The following GRM7 variants were observed in gnomAD, a reference collection of about 807,000 sequenced individuals.
The protein encoded by GRM7 is metabotropic glutamate receptor 7.
A neutral mutation model predicts 84.5 loss-of-function variants in GRM7; 35 were observed. The ratio of observed to expected loss-of-function variants is 0.41; its 90% CI spans 0.32 to 0.55. The LOEUF (loss-of-function observed/expected upper bound fraction) is 0.55, where lower values mean the gene tolerates loss of function less well. Ranked by LOEUF, GRM7 falls within the 20% of genes least tolerant of loss-of-function variation. GRM7 has a pLI of 0.19. For synonymous variants in GRM7, 487 were observed against 455.1 expected, an observed-to-expected ratio of 1.07 and a Z score of -0.89; for missense variants, 1,003 against 1,194.6, an observed-to-expected ratio of 0.84 and a Z score of 2.36.
chr3:7,609,449 T>C (rs1171516210), intron 8 of GRM7, among the ~76,000 whole-genome samples: 1 of 152,102 alleles, frequency 6.6e-6, no homozygotes, highest in East Asian at 1.9e-4. Flanking sequence ...TGGAACGATA[T>C]TCTTGAACAG....
chr3:7,393,965 C>T (rs1695105428), intron 4 of GRM7, among the ~76,000 whole-genome samples: 1 of 152,126 alleles, frequency 6.6e-6, no homozygotes, highest in African/African-American at 2.4e-5. Context: ...AGTTTTCGCA[C>T]CTTAGGCACT....
Position 7,382,270 on chromosome 3 carries a change from A to G in GRM7, c.1034-32753A>G, listed in dbSNP as rs772070741. 3.9e-5 allele frequency among the ~76,000 whole-genome samples: 6 copies of G among 152,140 alleles called. No homozygotes were observed. The East Asian group carries it at 1.2e-3, about 29-fold the overall frequency. ...TCTTATGAGCTTTGATTGCCTTTAG[A>G]TTATCAGAGATTTTCCATGTATATA... On this transcript the variant is annotated intron_variant, in intron 4 of 9. Transcript: ENST00000357716.
chr3:7,168,277 T>A (rs1195228598), intron 2 of GRM7, among the ~76,000 whole-genome samples: 1 of 152,196 alleles, frequency 6.6e-6, no homozygotes, highest in Admixed American at 6.5e-5. Context: ...TTCCCATTGT[T>A]GAGGTTCTTC....
At chr3:7,452,955 T>A (rs954544122) in intron 6 of GRM7, 148 bp downstream of exon 6, 1 of 603,850 alleles carries the variant, frequency 1.7e-6, no homozygotes. Context: ...AATGCATGAA[T>A]GAGCAAATGA....
intron 1 of GRM7, among the ~76,000 whole-genome samples, chr3:7,125,907 G>A (rs1693383322): frequency 2.0e-5 from 3 of 152,150 alleles, no homozygotes; most frequent in Admixed American, 2.0e-4. Context: ...GAGGGTGAGA[G>A]GCTTGCTTTG....
intron 2 of GRM7, among the ~76,000 whole-genome samples, chr3:7,163,476 T>C (rs1186271040): frequency 6.6e-6 from 1 of 152,228 alleles, no homozygotes; most frequent in Non-Finnish European, 1.5e-5. Flanking sequence ...ACTTTGTGAG[T>C]GCCTACTCTG....
Position 7,036,957 on chromosome 3 carries a change from G to A in GRM7, c.520-109495G>A, listed in dbSNP as rs113542904. ...GCAATTTACGCAAAGAAGAGGGCAT[G>A]ACATAATGAGTGATTAATGGATCAG... On this transcript the variant is annotated intron_variant, in intron 1 of 9. Transcript: ENST00000357716. Among the ~76,000 whole-genome samples the A allele has an allele frequency of 4.6e-3, 706 of 152,268 alleles. 10 individuals are homozygous for A. The highest frequency in any genetic ancestry group is 0.02 in the Middle Eastern group (6 of 294).
intron 2 of GRM7, among the ~76,000 whole-genome samples, chr3:7,234,603 A>G (rs1697291687): frequency 6.6e-6 from 1 of 152,232 alleles, no homozygotes; most frequent in Non-Finnish European, 1.5e-5. Context: ...GTGGTTCTAG[A>G]GATCATACTG....
At chr3:7,676,570 T>C (rs1700130319) in intron 8 of GRM7, among the ~76,000 whole-genome samples, 1 of 114,986 alleles carries the variant, frequency 8.7e-6, no homozygotes, top group South Asian at 3.0e-4. Flanking sequence ...GTGATTCTCT[T>C]GGCTCAGCCT....
intron 7 of GRM7, among the ~76,000 whole-genome samples, chr3:7,522,899 A>T (rs200271168): frequency 1.4e-5 from 1 of 73,568 alleles, no homozygotes; most frequent in African/African-American, 4.5e-5. Flanking sequence ...TCAAGGAAAC[A>T]AGAGAGAGGT....
intron 1 of GRM7, among the ~76,000 whole-genome samples, chr3:7,009,990 C>G (rs374484228): frequency 6.6e-6 from 1 of 152,162 alleles, no homozygotes; most frequent in African/African-American, 2.4e-5. Context: ...CTAAACTTGG[C>G]ATTAATAACA....
chr3:7,296,784 A>G (rs1437691224), intron 2 of GRM7, among the ~76,000 whole-genome samples: 2 of 151,636 alleles, frequency 1.3e-5, no homozygotes, highest in African/African-American at 2.4e-5. Context: ...CATTTCATAT[A>G]TATCAATTTT....
intron 4 of GRM7, among the ~76,000 whole-genome samples, chr3:7,331,925 T>C (rs555699622): frequency 2.0e-5 from 3 of 152,214 alleles, no homozygotes; most frequent in African/African-American, 4.8e-5. Context: ...AGTAATTATA[T>C]TGAGCGTGTC....
intron 2 of GRM7, among the ~76,000 whole-genome samples, chr3:7,221,092 C>G (rs952647587): frequency 1.3e-5 from 2 of 151,952 alleles, no homozygotes; most frequent in African/African-American, 4.8e-5. Context: ...GTAAGACTGT[C>G]TAAAAAGCAA....
At chr3:7,014,499 G>A (rs892741040) in intron 1 of GRM7, among the ~76,000 whole-genome samples, 4 of 151,922 alleles carry the variant, frequency 2.6e-5, no homozygotes, top group Non-Finnish European at 4.4e-5. Context: ...GCACCACCAC[G>A]CCCAGCTAAT....
intron 5 of GRM7, among the ~76,000 whole-genome samples, chr3:7,421,916 T>TAAAAAAG (rs1696412373): frequency 1.3e-5 from 1 of 78,822 alleles, no homozygotes; most frequent in South Asian, 4.1e-4. Context: ...CTACAAACAG[T>TAAAAAAG]AAAAAAAAAA....
chr3:7,217,736 T>G lies in GRM7; in HGVS notation c.736+71068T>G, dbSNP rs547868073. On this transcript the variant is annotated intron_variant, in intron 2 of 9. Coordinates refer to ENST00000357716, the MANE Select transcript of GRM7 (RefSeq NM_000844.4). ...TATATTTACTAATTATAATATAAAA[T>G]TATTTTAAAACATTTTAAAATTCTT... Among the ~76,000 whole-genome samples, 4 of 149,734 alleles carry G rather than the reference T, an allele frequency of 2.7e-5. No individual in the cohort carries two copies. The South Asian group carries it at 6.3e-4, about 23-fold the overall frequency.
chr3:7,578,690 T>C lies in GRM7; in HGVS notation c.1784T>C (p.Val595Ala). The change falls in exon 8 of 10, where the codon GTC (valine) becomes GCC (alanine). Residue 595 changes from valine (V) to alanine (A), a missense_variant. This residue lies in a region of GRM7 where 910 missense variants were observed against 1,126.0 expected (regional missense o/e 0.81). Coordinates refer to ENST00000357716, the MANE Select transcript of GRM7 (RefSeq NM_000844.4). Reference sequence around the variant, plus strand: ...CACTCCCCCTGGGCTGTGATTCCTGTCTTCCTGGCAATGTTGGGGATCATT... The same window carrying C: ...CACTCCCCCTGGGCTGTGATTCCTGCCTTCCTGGCAATGTTGGGGATCATT... ...EWHSPWAVIP[V>A]FLAMLGIIAT... 1.9e-6 allele frequency: 3 copies of C among 1,614,122 alleles called. No individual in the cohort carries two copies. The highest frequency in any genetic ancestry group is 2.5e-6 in the Non-Finnish European group (3 of 1,180,002).
chr3:7,560,790 T>G (rs1030638798), intron 7 of GRM7, among the ~76,000 whole-genome samples: 2 of 152,192 alleles, frequency 1.3e-5, no homozygotes, highest in African/African-American at 4.8e-5. Flanking sequence ...ATTGGAATGG[T>G]TGCCTTCATG....
Sources: allele counts gnomAD v4.1 joint callset (sites outside exome capture counted in the v4.1 genomes callset), GRCh38; gene constraint gnomAD v4.1.1; regional missense constraint gnomAD v4.1.1; transcripts MANE v1.5; gene names NCBI Gene and HGNC (gene_info 2026-07-23, HGNC 2026-07-21).